NOX4: variants seen among roughly 807,000 people sequenced by gnomAD.
NOX4 encodes kidney oxidase-1.
In NOX4, 69 loss-of-function variants were observed where a neutral mutation model predicts 87.6. The observed-to-expected ratio is 0.79, with a 90% confidence interval of 0.65 to 0.96. NOX4 has a LOEUF of 0.96. Ranked by LOEUF, NOX4 falls within the 40% of genes least tolerant of loss-of-function variation. The pLI, the probability that NOX4 is intolerant of heterozygous loss-of-function variation, is 0.00. For missense variants in NOX4, 680 were observed against 681.5 expected, an observed-to-expected ratio of 1.00 and a Z score of 0.02; for synonymous variants, 275 against 238.2, an observed-to-expected ratio of 1.15 and a Z score of -1.42.
intron 11 of NOX4, among the ~76,000 whole-genome samples, chr11:89,382,917 C>A (rs562812817): frequency 1.3e-5 from 2 of 152,216 alleles, no homozygotes; most frequent in Admixed American, 1.3e-4. Context: ...ATATAAAAAC[C>A]CAGCCCAGTT....
chr11:89,393,939 C>T (rs1967204), intron 11 of NOX4, among the ~76,000 whole-genome samples: 24 of 152,252 alleles, frequency 1.6e-4, no homozygotes, highest in African/African-American at 4.8e-4. Flanking sequence ...CCTCCAGTTC[C>T]TTTTCTTCTG....
the NOX4 span, among the ~76,000 whole-genome samples, chr11:89,519,120 T>C: frequency 6.6e-6 from 1 of 151,986 alleles, no homozygotes; most frequent in African/African-American, 2.4e-5. Context: ...TATAAAGAAA[T>C]AAGGAAGATG....
At chr11:89,395,991 T>C (rs1331125623) in intron 11 of NOX4, among the ~76,000 whole-genome samples, 5 of 152,170 alleles carry the variant, frequency 3.3e-5, no homozygotes, top group Non-Finnish European at 5.9e-5. Context: ...ATACAGGCTC[T>C]TTTATGGTTC....
At chr11:89,349,182 G>A (rs1286435563) in intron 13 of NOX4, among the ~76,000 whole-genome samples, 1 of 151,982 alleles carries the variant, frequency 6.6e-6, no homozygotes, top group Non-Finnish European at 1.5e-5. Context: ...TTCTACTCAG[G>A]AGGCTGAGGC....
the NOX4 span, among the ~76,000 whole-genome samples, chr11:89,526,109 G>A: frequency 6.6e-6 from 1 of 152,186 alleles, no homozygotes; most frequent in East Asian, 1.9e-4. Context: ...CTTATAGTAG[G>A]TCTTGAAAGC....
intron 12 of NOX4, among the ~76,000 whole-genome samples, chr11:89,363,062 T>C (rs1342347544): frequency 2.0e-5 from 3 of 152,102 alleles, no homozygotes. Flanking sequence ...TGTAATTGCA[T>C]TCTAAATTAT....
upstream of NOX4, among the ~76,000 whole-genome samples, chr11:89,500,780 G>A (rs1012822265): frequency 1.3e-5 from 2 of 152,048 alleles, no homozygotes. Flanking sequence ...ATGAGTTGTA[G>A]CTACCCACTT....
chr11:89,397,496 C>A (rs1024591362), intron 11 of NOX4, among the ~76,000 whole-genome samples: 10 of 151,796 alleles, frequency 6.6e-5, no homozygotes, highest in Non-Finnish European at 1.5e-4. Flanking sequence ...GAGAGAGACA[C>A]AAAAAACACT....
intron 6 of NOX4, among the ~76,000 whole-genome samples, chr11:89,440,407 C>T (rs757270539): frequency 5.7e-4 from 86 of 152,034 alleles, no homozygotes; most frequent in Non-Finnish European, 1.1e-3. Context: ...GCAATTTCTG[C>T]CTCCTGGGTT....
intron 2 of NOX4, among the ~76,000 whole-genome samples, chr11:89,468,512 T>A (rs1285259567): frequency 6.6e-6 from 1 of 152,230 alleles, no homozygotes; most frequent in Non-Finnish European, 1.5e-5. Context: ...TTATCTTTTA[T>A]GGAAATTATG....
the NOX4 span, among the ~76,000 whole-genome samples, chr11:89,575,262 T>A: frequency 8.4e-6 from 1 of 119,308 alleles, no homozygotes; most frequent in African/African-American, 3.0e-5. Context: ...GAAATGGAGG[T>A]ACATTGTAGT....
At chr11:89,445,734 C>A (rs1474237971) in intron 4 of NOX4, among the ~76,000 whole-genome samples, 1 of 151,962 alleles carries the variant, frequency 6.6e-6, no homozygotes, top group Non-Finnish European at 1.5e-5. Flanking sequence ...ATCAGAGACC[C>A]AAATGTAAAA....
intron 5 of NOX4, 61 bp downstream of exon 5, chr11:89,444,074 A>G: frequency 3.5e-6 from 5 of 1,414,752 alleles, no homozygotes; most frequent in Non-Finnish European, 5.0e-6. Flanking sequence ...GAAAAATCAC[A>G]GACCCTCATT....
chr11:89,368,659 T>C (rs1363347482), intron 12 of NOX4, among the ~76,000 whole-genome samples: 1 of 152,132 alleles, frequency 6.6e-6, no homozygotes, highest in Non-Finnish European at 1.5e-5. Flanking sequence ...CTAAAAGTCC[T>C]ACCTCTTAAT....
At chr11:89,584,071 G>T in the NOX4 span, among the ~76,000 whole-genome samples, 15 of 152,034 alleles carry the variant, frequency 9.9e-5, no homozygotes, top group Admixed American at 2.0e-4. Context: ...GCCAAACACA[G>T]TCTCTCCTCT....
the NOX4 span, among the ~76,000 whole-genome samples, chr11:89,537,225 T>A: frequency 6.6e-6 from 1 of 152,204 alleles, no homozygotes; most frequent in Non-Finnish European, 1.5e-5. Context: ...TAGGAATTGC[T>A]TTATTTTTAT....
intron 8 of NOX4, among the ~76,000 whole-genome samples, chr11:89,411,412 C>T (rs1942472076): frequency 6.6e-6 from 1 of 152,084 alleles, no homozygotes; most frequent in African/African-American, 2.4e-5. Flanking sequence ...TGGGGTAGAG[C>T]ACCAAGCAAG....
the NOX4 span, among the ~76,000 whole-genome samples, chr11:89,538,383 C>T: frequency 2.0e-5 from 3 of 152,118 alleles, no homozygotes; most frequent in Non-Finnish European, 2.9e-5. Flanking sequence ...AAATTTCTGA[C>T]AATCTTCTTT....
chr11:89,408,976 C>A (rs2135216954), intron 8 of NOX4, among the ~76,000 whole-genome samples: 1 of 152,184 alleles, frequency 6.6e-6, no homozygotes, highest in South Asian at 2.1e-4. Flanking sequence ...TTACAACTTC[C>A]TTGAGTACCT....
Sources: gnomAD v4.1 joint callset for allele counts (sites outside exome capture counted in the v4.1 genomes callset) on GRCh38, gnomAD v4.1.1 for gene constraint, MANE v1.5 for transcripts, NCBI Gene and HGNC (gene_info 2026-07-23, HGNC 2026-07-21) for gene names.